The following STK3 variants were observed in gnomAD, a reference collection of about 807,000 sequenced individuals.
STK3 encodes serine/threonine-protein kinase 3.
STK3 carries 41 observed loss-of-function variants against 58.0 expected under a neutral mutation model. That is an observed-to-expected ratio of 0.71 (90% CI 0.55 to 0.92). The LOEUF is 0.92. STK3 is among the 40% of genes least tolerant of loss of function. STK3 has a pLI of 0.00. For synonymous variants in STK3, 170 were observed against 191.0 expected, an observed-to-expected ratio of 0.89 and a Z score of 0.91; for missense variants, 479 against 602.7, an observed-to-expected ratio of 0.79 and a Z score of 2.15.
At position 98,891,624 on chromosome 8, in the gene STK3, T is replaced by TGAGA. The variant is rs781550682; in HGVS notation, c.-78-7791_-78-7790insTCTC. On this transcript the variant is annotated intron_variant, in intron 1 of 1. Transcript: ENST00000519420. ...AAATAAAACTGTGTGTGTGTGTGTG[T>TGAGA]GTGAGAGAGAGAGAGAGAGAGAGAG... is the stretch of plus-strand genomic sequence containing the variant. Among the ~76,000 whole-genome samples the TGAGA allele has an allele frequency of 2.4e-3, 335 of 138,676 alleles. 1 individual carries two copies. Among genetic ancestry groups the TGAGA allele is most frequent in the Middle Eastern group, 0.014 (4 of 276 alleles). 91.0% of individuals were successfully genotyped at this position (138,676 alleles called of 152,430 possible). A position where few individuals can be genotyped will look rare whatever the true frequency, so the allele number is the denominator to read the frequency against.
intron 1 of STK3, among the ~76,000 whole-genome samples, chr8:98,941,072 G>T (rs1652375416): frequency 6.6e-6 from 1 of 152,288 alleles, no homozygotes; most frequent in East Asian, 1.9e-4. Flanking sequence ...CCCACCACCG[G>T]TGTGGCCGCC....
At chr8:98,770,530 C>T (rs1041352801) in intron 2 of STK3, among the ~76,000 whole-genome samples, 2 of 152,140 alleles carry the variant, frequency 1.3e-5, no homozygotes, top group African/African-American at 4.8e-5. Flanking sequence ...TAACTGAAAC[C>T]TGGACTCAAA....
chr8:98,881,052 C>T, downstream of STK3: 1 of 152,182 alleles, frequency 6.6e-6, no homozygotes, highest in Non-Finnish European at 1.5e-5. Context: ...ATGCCAATAA[C>T]ATATAGCATA....
intron 10 of STK3, among the ~76,000 whole-genome samples, chr8:98,504,736 G>C (rs1001743421): frequency 2.0e-5 from 3 of 151,880 alleles, no homozygotes; most frequent in Admixed American, 6.6e-5. Context: ...CTACTGGCTT[G>C]TAGAGTTTCT....
downstream of STK3, among the ~76,000 whole-genome samples, chr8:98,450,953 G>C (rs1421781257): frequency 1.3e-5 from 2 of 152,186 alleles, no homozygotes; most frequent in Non-Finnish European, 1.5e-5. Context: ...ACAGATGGGA[G>C]TGTAAGGCCA....
At chr8:98,727,674 A>C (rs1349497760) in intron 4 of STK3, among the ~76,000 whole-genome samples, 6 of 152,232 alleles carry the variant, frequency 3.9e-5, no homozygotes, top group African/African-American at 1.4e-4. Context: ...CCCATCAAAA[A>C]AAGGGATACA....
chr8:98,453,338 C>T (rs189216916), downstream of STK3, among the ~76,000 whole-genome samples: 52 of 152,180 alleles, frequency 3.4e-4, no homozygotes, highest in East Asian at 9.7e-3. Flanking sequence ...CTGCCTGCCT[C>T]GGCCTCCCAA....
At chr8:98,646,794 T>C (rs1481436882) in intron 6 of STK3, among the ~76,000 whole-genome samples, 1 of 152,142 alleles carries the variant, frequency 6.6e-6, no homozygotes, top group Non-Finnish European at 1.5e-5. Flanking sequence ...TGTTTCAAAA[T>C]ATATCCAAAA....
At chr8:98,678,591 G>A (rs1186817190) in intron 6 of STK3, among the ~76,000 whole-genome samples, 6 of 152,046 alleles carry the variant, frequency 3.9e-5, no homozygotes, top group Non-Finnish European at 7.4e-5. Context: ...AATTTTTAAA[G>A]TATTTTAAGG....
chr8:98,813,300 A>C (rs1009385131), intron 1 of STK3, among the ~76,000 whole-genome samples: 1 of 152,270 alleles, frequency 6.6e-6, no homozygotes, highest in African/African-American at 2.4e-5. Flanking sequence ...CGGACTCTAA[A>C]GCACCAGCTC....
At chr8:98,856,103 C>T (rs796364363) in intron 3 of STK3, among the ~76,000 whole-genome samples, 83 of 141,274 alleles carry the variant, frequency 5.9e-4, no homozygotes, top group African/African-American at 2.0e-3. Context: ...TGCAGTGGGC[C>T]GAGATCACAC....
intron 4 of STK3, among the ~76,000 whole-genome samples, chr8:98,725,105 G>A (rs1563932709): frequency 6.6e-6 from 1 of 152,042 alleles, no homozygotes; most frequent in African/African-American, 2.4e-5. Context: ...AAAGTTAGAA[G>A]TCACTTTCAT....
At chr8:98,698,070 A>C (rs1587337488) in intron 6 of STK3, among the ~76,000 whole-genome samples, 1 of 152,336 alleles carries the variant, frequency 6.6e-6, no homozygotes, top group Non-Finnish European at 1.5e-5. Flanking sequence ...ATATATATTT[A>C]AGACAGTTAG....
chr8:98,750,949 T>C (rs972471791), intron 3 of STK3, among the ~76,000 whole-genome samples: 2 of 152,184 alleles, frequency 1.3e-5, no homozygotes, highest in Non-Finnish European at 2.9e-5. Flanking sequence ...TGGTTCAACA[T>C]ATACAAATCA....
At chr8:98,806,209 A>G (rs1833875844) in intron 1 of STK3, among the ~76,000 whole-genome samples, 1 of 152,226 alleles carries the variant, frequency 6.6e-6, no homozygotes, top group Admixed American at 6.5e-5. Flanking sequence ...TAATAAATAA[A>G]TGAATAAACA....
At chr8:98,393,945 T>C (rs554659211) in intron 3 of STK3, among the ~76,000 whole-genome samples, 3 of 152,340 alleles carry the variant, frequency 2.0e-5, no homozygotes, top group Admixed American at 2.0e-4. Flanking sequence ...TAGCACTAAC[T>C]AGCCACTGTA....
At chr8:98,491,015 A>C (rs1042968070) in intron 10 of STK3, among the ~76,000 whole-genome samples, 1 of 152,192 alleles carries the variant, frequency 6.6e-6, no homozygotes, top group Non-Finnish European at 1.5e-5. Context: ...TGTTGTCTGT[A>C]TATTTTTCAC....
chr8:98,742,115 G>T (rs1216072133), intron 4 of STK3, among the ~76,000 whole-genome samples: 1 of 151,724 alleles, frequency 6.6e-6, no homozygotes, highest in Admixed American at 6.6e-5. Flanking sequence ...AAAGAGTCCA[G>T]GACCAGATGG....
chr8:98,612,218 C>T (rs1003605068), intron 6 of STK3, among the ~76,000 whole-genome samples: 12 of 150,516 alleles, frequency 8.0e-5, no homozygotes, highest in African/African-American at 2.9e-4. Context: ...CTATTTCTCT[C>T]GTTAAGTACA....
Sources: allele counts gnomAD v4.1 joint callset (sites outside exome capture counted in the v4.1 genomes callset), GRCh38; gene constraint gnomAD v4.1.1; transcripts MANE v1.5; gene names NCBI Gene and HGNC (gene_info 2026-07-23, HGNC 2026-07-21).